ELP4: variants seen among roughly 807,000 people sequenced by gnomAD.
The protein encoded by ELP4 is elongator acetyltransferase complex subunit 4.
A neutral mutation model predicts 48.9 loss-of-function variants in ELP4; 51 were observed. The ratio of observed to expected loss-of-function variants is 1.04; its 90% confidence interval spans 0.83 to 1.32. The LOEUF (loss-of-function observed/expected upper bound fraction) is 1.32, where lower values mean the gene tolerates loss of function less well. Ranked by LOEUF, ELP4 falls within the 40% of genes most tolerant of loss-of-function variation. ELP4 has a pLI of 0.00. For synonymous variants in ELP4, 210 were observed against 189.2 expected (o/e 1.11, Z -0.90); for missense variants, 519 against 514.6 (o/e 1.01, Z -0.08).
chr11:31,740,851 G>A (rs1050002133), intron 9 of ELP4, among the ~76,000 whole-genome samples: 9 of 152,208 alleles, frequency 5.9e-5, no homozygotes, highest in Admixed American at 2.6e-4. Flanking sequence ...TTCCAACTGA[G>A]GTACCAGGTT....
chr11:31,571,705 T>A (rs1957195857), intron 3 of ELP4, among the ~76,000 whole-genome samples: 2 of 152,210 alleles, frequency 1.3e-5, no homozygotes, highest in African/African-American at 4.8e-5. Context: ...AGAATGGATG[T>A]TGTGTTAGCA....
At chr11:31,516,760 G>A (rs930037165) in intron 1 of ELP4, among the ~76,000 whole-genome samples, 23 of 152,164 alleles carry the variant, frequency 1.5e-4, no homozygotes, top group African/African-American at 5.3e-4. Context: ...CCAAAATGCT[G>A]GGATTATAGC....
Position 31,682,110 on chromosome 11 carries a change from T to G in ELP4, c.1143+31889T>G, listed in dbSNP as rs1055088708. ...TACTGATGTTGATTTAGTGCTTCTG[T>G]AATGTCAGCGTCCCATCCAACTATG... is the stretch of plus-strand genomic sequence containing the variant. On this transcript the variant is annotated intron_variant, in intron 9 of 9. Transcript: ENST00000640961. 5 of 1,233,380 alleles carry G rather than the reference T, an allele frequency of 4.1e-6. No homozygotes were observed. The African/African-American group carries it at 8.1e-5, about 20-fold the overall frequency. The allele number at this position is 1,233,380 out of a possible 1,614,324, so 76.4% of individuals were successfully genotyped here.
intron 3 of ELP4, among the ~76,000 whole-genome samples, chr11:31,555,702 A>G (rs1156520450): frequency 1.3e-5 from 2 of 151,962 alleles, no homozygotes; most frequent in Admixed American, 6.6e-5. Context: ...GAGATTTCTA[A>G]CATCTCTCTG....
At chr11:31,561,473 G>C (rs983001633) in intron 3 of ELP4, among the ~76,000 whole-genome samples, 1 of 151,622 alleles carries the variant, frequency 6.6e-6, no homozygotes, top group East Asian at 1.9e-4. Flanking sequence ...ATGGAGTATC[G>C]CTCTGTTGCC....
At chr11:31,584,256 T>C (rs1362345729) in intron 3 of ELP4, among the ~76,000 whole-genome samples, 1 of 151,980 alleles carries the variant, frequency 6.6e-6, no homozygotes, top group Non-Finnish European at 1.5e-5. Context: ...ATAAAATTAG[T>C]TGTTCTCCAC....
chr11:31,753,448 C>A (rs965425241), intron 9 of ELP4, among the ~76,000 whole-genome samples: 1 of 152,154 alleles, frequency 6.6e-6, no homozygotes, highest in South Asian at 2.1e-4. Context: ...ATGTCATACC[C>A]ATCAAATTGG....
chr11:31,511,462 TTAG>T (rs1364750435), intron 1 of ELP4: 1 of 152,204 alleles, frequency 6.6e-6, no homozygotes. Context: ...CTCCTGGCAC[TTAG>T]TAGATTCTCA....
intron 1 of ELP4, chr11:31,510,684 A>G (rs976487507): frequency 7.0e-6 from 2 of 285,014 alleles, no homozygotes; most frequent in Non-Finnish European, 1.3e-5. Flanking sequence ...TCCATACGAC[A>G]TCTTTAAATT....
intron 5 of ELP4, among the ~76,000 whole-genome samples, chr11:31,622,826 G>T (rs1021370550): frequency 6.6e-6 from 1 of 151,234 alleles, no homozygotes; most frequent in Admixed American, 6.6e-5. Flanking sequence ...TTAGTATAAA[G>T]AAATAAATTC....
intron 9 of ELP4, chr11:31,767,744 A>C (rs894442021): frequency 6.6e-6 from 1 of 152,076 alleles, no homozygotes; most frequent in Non-Finnish European, 1.5e-5. Context: ...TCTAAGGCTG[A>C]GTTGAATTAC....
chr11:31,587,251 A>G (rs1957491298), intron 3 of ELP4, among the ~76,000 whole-genome samples: 1 of 152,214 alleles, frequency 6.6e-6, no homozygotes, highest in South Asian at 2.1e-4. Context: ...TTTTAAAAGG[A>G]CCAGTGGTGA....
intron 9 of ELP4, among the ~76,000 whole-genome samples, chr11:31,715,880 A>G (rs1946832894): frequency 6.6e-6 from 1 of 152,204 alleles, no homozygotes; most frequent in Non-Finnish European, 1.5e-5. Flanking sequence ...TTACTAAAAT[A>G]AAATTCAAAC....
At chr11:31,772,768 T>G (rs1214416295) in intron 9 of ELP4, among the ~76,000 whole-genome samples, 1 of 152,218 alleles carries the variant, frequency 6.6e-6, no homozygotes, top group African/African-American at 2.4e-5. Flanking sequence ...ATTCAAGGGT[T>G]CTGCTGCTAA....
intron 9 of ELP4, among the ~76,000 whole-genome samples, chr11:31,722,249 A>G (rs1049945855): frequency 6.6e-6 from 1 of 152,170 alleles, no homozygotes; most frequent in Non-Finnish European, 1.5e-5. Context: ...TCTGTTTCCA[A>G]TGTTTATTCT....
intron 9 of ELP4, among the ~76,000 whole-genome samples, chr11:31,775,048 C>T (rs960103583): frequency 6.6e-6 from 1 of 152,150 alleles, no homozygotes; most frequent in Non-Finnish European, 1.5e-5. Context: ...CACATTTCAG[C>T]AAGTGGGAAG....
At chr11:31,529,608 G>A (rs1024755087) in intron 2 of ELP4, among the ~76,000 whole-genome samples, 1 of 152,188 alleles carries the variant, frequency 6.6e-6, no homozygotes, top group Non-Finnish European at 1.5e-5. Flanking sequence ...TGCAGGAAGA[G>A]AGTTATTGGG....
At chr11:31,647,496 T>C in intron 7 of ELP4, 1 of 322,304 alleles carries the variant, frequency 3.1e-6, no homozygotes, top group Non-Finnish European at 5.7e-6. Flanking sequence ...TTATGTCTTC[T>C]ACCAATTTAT....
intron 7 of ELP4, among the ~76,000 whole-genome samples, chr11:31,639,734 C>A (rs1358506968): frequency 6.6e-6 from 1 of 151,804 alleles, no homozygotes; most frequent in Non-Finnish European, 1.5e-5. Flanking sequence ...TTGTCATTTT[C>A]ATCTTTAAAA....
Sources: gnomAD v4.1 joint callset for allele counts (sites outside exome capture counted in the v4.1 genomes callset) on GRCh38, gnomAD v4.1.1 for gene constraint, MANE v1.5 for transcripts, NCBI Gene and HGNC (gene_info 2026-07-23, HGNC 2026-07-21) for gene names.